FIGN: variants seen among roughly 807,000 people sequenced by gnomAD.
FIGN encodes the protein fidgetin, microtubule severing factor, also known as fidgetin.
A neutral mutation model predicts 51.3 loss-of-function variants in FIGN; 11 were observed. The ratio of observed to expected loss-of-function variants is 0.21; its 90% CI spans 0.13 to 0.35. FIGN has a LOEUF of 0.35. Ranked by LOEUF, FIGN falls within the 10% of genes least tolerant of loss-of-function variation. The pLI, the probability that FIGN is intolerant of heterozygous loss-of-function variation, is 1.00. For synonymous variants in FIGN, 407 were observed against 363.2 expected (o/e 1.12, Z -1.37); for missense variants, 857 against 943.6 (o/e 0.91, Z 1.20).
intron 2 of FIGN, among the ~76,000 whole-genome samples, chr2:163,631,907 G>T (rs897753887): frequency 6.6e-6 from 1 of 152,176 alleles, no homozygotes; most frequent in Non-Finnish European, 1.5e-5. Context: ...CAGCACTTTG[G>T]GAGGCCGAGG....
intron 2 of FIGN, among the ~76,000 whole-genome samples, chr2:163,642,941 T>C (rs1179435331): frequency 6.6e-6 from 1 of 152,166 alleles, no homozygotes; most frequent in African/African-American, 2.4e-5. Flanking sequence ...GACTCAATAT[T>C]GTTAAGATGG....
chr2:163,728,674 A>C (rs1378046222), intron 2 of FIGN, among the ~76,000 whole-genome samples: 1 of 152,296 alleles, frequency 6.6e-6, no homozygotes, highest in East Asian at 1.9e-4. Context: ...TAGGAAACCT[A>C]GTGACTTCTA....
intron 2 of FIGN, among the ~76,000 whole-genome samples, chr2:163,680,018 A>T (rs1684036949): frequency 6.6e-6 from 1 of 152,202 alleles, no homozygotes; most frequent in Non-Finnish European, 1.5e-5. Context: ...AGCTACTGTA[A>T]GTCTAGGACA....
chr2:163,712,850 C>A (rs1175221511), intron 2 of FIGN, among the ~76,000 whole-genome samples: 1 of 152,076 alleles, frequency 6.6e-6, no homozygotes, highest in Non-Finnish European at 1.5e-5. Context: ...ATTTAAAATA[C>A]TCTAATTGAT....
At chr2:163,720,912 G>A (rs1377112822) in intron 2 of FIGN, among the ~76,000 whole-genome samples, 1 of 152,088 alleles carries the variant, frequency 6.6e-6, no homozygotes, top group Non-Finnish European at 1.5e-5. Flanking sequence ...AAGAATTGCT[G>A]TGTCTAGATC....
At chr2:163,636,540 C>G (rs1434329678) in intron 2 of FIGN, among the ~76,000 whole-genome samples, 1 of 152,156 alleles carries the variant, frequency 6.6e-6, no homozygotes, top group East Asian at 1.9e-4. Context: ...CTGCCTCAGC[C>G]TCCCAAAGTG....
At chr2:163,641,078 C>G (rs77172610) in intron 2 of FIGN, among the ~76,000 whole-genome samples, 2 of 152,152 alleles carry the variant, frequency 1.3e-5, no homozygotes, top group Admixed American at 6.5e-5. Flanking sequence ...CTACGCTGGG[C>G]TTTACCCAGA....
At chr2:163,655,097 G>A (rs113560139) in intron 2 of FIGN, among the ~76,000 whole-genome samples, 129 of 151,826 alleles carry the variant, frequency 8.5e-4, no homozygotes, top group Non-Finnish European at 1.6e-3. Flanking sequence ...CTCAAGAGAC[G>A]TTTTATTTTA....
At chr2:163,688,365 T>C (rs189694533) in intron 2 of FIGN, among the ~76,000 whole-genome samples, 1 of 152,252 alleles carries the variant, frequency 6.6e-6, no homozygotes, top group Non-Finnish European at 1.5e-5. Context: ...GAGAGCTATA[T>C]TGAATGTTAC....
intron 2 of FIGN, among the ~76,000 whole-genome samples, chr2:163,713,027 A>G (rs2126005): frequency 1 from 152,019 of 152,332 alleles, 75,862 homozygotes; most frequent in Middle Eastern, 1. Context: ...TTTAGCAAAA[A>G]CTCTGAGGAT....
intron 2 of FIGN, among the ~76,000 whole-genome samples, chr2:163,727,408 CTG>C (rs1481214356): frequency 6.6e-6 from 1 of 151,586 alleles, no homozygotes. Flanking sequence ...TATTCCTAAA[CTG>C]TGGGGTAAAT....
At chr2:163,727,858 TA>T (rs1441883842) in intron 2 of FIGN, among the ~76,000 whole-genome samples, 1 of 152,204 alleles carries the variant, frequency 6.6e-6, no homozygotes, top group Non-Finnish European at 1.5e-5. Flanking sequence ...GGTATCGCAA[TA>T]TGAAGTTTGA....
At chr2:163,673,494 T>C (rs1188288421) in intron 2 of FIGN, among the ~76,000 whole-genome samples, 2 of 152,084 alleles carry the variant, frequency 1.3e-5, no homozygotes, top group African/African-American at 2.4e-5. Flanking sequence ...AAGATTACTA[T>C]GCATTTCCCA....
chr2:163,633,815 G>T (rs372052667), intron 2 of FIGN, among the ~76,000 whole-genome samples: 10 of 152,078 alleles, frequency 6.6e-5, no homozygotes, highest in African/African-American at 2.4e-4. Context: ...AGAACCTATC[G>T]ATTCAATGAA....
chr2:163,705,747 A>G (rs1684490147), intron 2 of FIGN, among the ~76,000 whole-genome samples: 1 of 151,734 alleles, frequency 6.6e-6, no homozygotes, highest in Non-Finnish European at 1.5e-5. Flanking sequence ...TCTTTCCTTT[A>G]ATTTTTGAAT....
chr2:163,683,424 A>T (rs1037558195), intron 2 of FIGN, among the ~76,000 whole-genome samples: 16 of 152,198 alleles, frequency 1.1e-4, no homozygotes, highest in African/African-American at 3.6e-4. Flanking sequence ...AGAAGAAGAA[A>T]ACTAGATATT....
chr2:163,669,286 C>G (rs1432958491), intron 2 of FIGN, among the ~76,000 whole-genome samples: 2 of 152,100 alleles, frequency 1.3e-5, no homozygotes, highest in African/African-American at 4.8e-5. Context: ...TTACAACTCA[C>G]TGCAGCCTTC....
intron 2 of FIGN, among the ~76,000 whole-genome samples, chr2:163,660,701 A>ATATTTTTTTTTTTTTTTTT (rs1683641158): frequency 8.2e-6 from 1 of 122,178 alleles, no homozygotes; most frequent in East Asian, 2.3e-4. Flanking sequence ...ATACATATAT[A>ATATTTTTTTTTTTTTTTTT]TGTATACACA....
chr2:163,654,331 CA>C (rs1683525601), intron 2 of FIGN, among the ~76,000 whole-genome samples: 1 of 152,072 alleles, frequency 6.6e-6, no homozygotes, highest in Non-Finnish European at 1.5e-5. Context: ...TGTTTATAGG[CA>C]AAGAACCTCA....
Sources: gnomAD v4.1 joint callset for allele counts (sites outside exome capture counted in the v4.1 genomes callset) on GRCh38, gnomAD v4.1.1 for gene constraint, MANE v1.5 for transcripts, NCBI Gene and HGNC (gene_info 2026-07-23, HGNC 2026-07-21) for gene names.